CHCHD3: variants seen among roughly 807,000 people sequenced by gnomAD.
CHCHD3 encodes the protein MICOS complex subunit MIC19.
In CHCHD3, 20 loss-of-function variants were observed where a neutral mutation model predicts 38.2. The ratio of observed to expected loss-of-function variants is 0.52; its 90% CI spans 0.37 to 0.76. The LOEUF is 0.76. Ranked by LOEUF, CHCHD3 falls within the 30% of genes least tolerant of loss-of-function variation. CHCHD3 has a pLI of 0.00. For synonymous variants in CHCHD3, 82 were observed against 100.0 expected, an observed-to-expected ratio of 0.82 and a Z score of 1.07; for missense variants, 245 against 279.2, an observed-to-expected ratio of 0.88 and a Z score of 0.87.
At chr7:132,943,882 T>G (rs1408290873) in intron 4 of CHCHD3, among the ~76,000 whole-genome samples, 2 of 152,096 alleles carry the variant, frequency 1.3e-5, no homozygotes, top group African/African-American at 4.8e-5. Context: ...GAAATCTTCC[T>G]CACTTTCAAA....
chr7:132,904,638 T>C (rs553203228), intron 4 of CHCHD3, among the ~76,000 whole-genome samples: 5 of 152,292 alleles, frequency 3.3e-5, no homozygotes, highest in African/African-American at 1.2e-4. Context: ...TTTACACTGT[T>C]GGTGGGACTG....
At position 132,785,101 on chromosome 7, in the gene CHCHD3, GA is replaced by G. The variant is rs1376393459; in HGVS notation, c.*535del. 2.0e-5 allele frequency: 3 copies of G among 153,166 alleles called. No homozygotes were observed. The highest frequency in any genetic ancestry group is 2.9e-5 in the Non-Finnish European group (2 of 68,310). The allele number at this position is 153,166 out of a possible 1,614,324, so 9.5% of individuals were successfully genotyped here. On this transcript the variant is annotated 3_prime_UTR_variant, in exon 8 of 8. Coordinates refer to ENST00000262570, the MANE Select transcript of CHCHD3 (RefSeq NM_017812.4). ...AAATAGCTCTTACATAATCAAAGGAGAAAAGAAAGACAAAACCAACATGCCA... is the reference window on the plus strand; with the variant it reads ...AAATAGCTCTTACATAATCAAAGGAGAAAGAAAGACAAAACCAACATGCCA...
chr7:132,838,258 G>A (rs1356637025), intron 6 of CHCHD3, 141 bp downstream of exon 6: 18 of 523,028 alleles, frequency 3.4e-5, no homozygotes, highest in Middle Eastern at 1.0e-3. Context: ...AGATAACATG[G>A]CCCCCATCTC....
intron 3 of CHCHD3, 62 bp from the exon 4 acceptor site, chr7:132,975,348 T>G: frequency 7.4e-7 from 1 of 1,354,898 alleles, no homozygotes; most frequent in Non-Finnish European, 1.0e-6. Flanking sequence ...TTATTTTCTA[T>G]CAAATGAAAT....
intron 1 of CHCHD3, among the ~76,000 whole-genome samples, chr7:133,078,927 T>C (rs1033338739): frequency 2.0e-5 from 3 of 152,226 alleles, no homozygotes; most frequent in Admixed American, 2.0e-4. Flanking sequence ...ATCGGCACCA[T>C]GTTCTAACAA....
intron 3 of CHCHD3, among the ~76,000 whole-genome samples, chr7:133,018,357 T>C (rs1813084786): frequency 6.6e-6 from 1 of 152,236 alleles, no homozygotes; most frequent in Non-Finnish European, 1.5e-5. Context: ...TAACCTTCTT[T>C]GCAACTATTT....
chr7:132,971,507 C>T (rs550961815), intron 4 of CHCHD3, among the ~76,000 whole-genome samples: 10 of 152,280 alleles, frequency 6.6e-5, no homozygotes, highest in Admixed American at 3.3e-4. Flanking sequence ...CATGACTTTG[C>T]CCTTCAAAGA....
chr7:132,797,953 C>G (rs1208671925), intron 6 of CHCHD3, among the ~76,000 whole-genome samples: 1 of 152,052 alleles, frequency 6.6e-6, no homozygotes, highest in East Asian at 1.9e-4. Flanking sequence ...AGTCTTATCA[C>G]TTCTATTTTT....
chr7:133,036,481 G>C (rs139028187), intron 2 of CHCHD3, among the ~76,000 whole-genome samples: 1 of 152,134 alleles, frequency 6.6e-6, no homozygotes, highest in Non-Finnish European at 1.5e-5. Context: ...TATAACCACT[G>C]TGTGGGTGTT....
intron 6 of CHCHD3, among the ~76,000 whole-genome samples, chr7:132,817,207 C>CTT (rs200192192): frequency 6.0e-4 from 88 of 147,282 alleles, no homozygotes; most frequent in Non-Finnish European, 1.0e-3. Flanking sequence ...AGCTTTCTTT[C>CTT]TTTTTTTTTT....
intron 2 of CHCHD3, among the ~76,000 whole-genome samples, chr7:133,053,163 C>T (rs1814216980): frequency 6.6e-6 from 1 of 152,100 alleles, no homozygotes; most frequent in Non-Finnish European, 1.5e-5. Flanking sequence ...CTATGTTAGC[C>T]CCTGTCACTC....
intron 3 of CHCHD3, among the ~76,000 whole-genome samples, chr7:133,021,543 G>A (rs1201082660): frequency 2.0e-5 from 3 of 152,126 alleles, no homozygotes; most frequent in African/African-American, 7.2e-5. Context: ...GCTAATCGGA[G>A]TTAAATTTCA....
At chr7:132,925,255 G>A (rs1810346642) in intron 4 of CHCHD3, among the ~76,000 whole-genome samples, 1 of 152,036 alleles carries the variant, frequency 6.6e-6, no homozygotes, top group Admixed American at 6.6e-5. Flanking sequence ...AAAAAAAGGA[G>A]GGAGACAGTT....
intron 4 of CHCHD3, among the ~76,000 whole-genome samples, chr7:132,957,083 CCTGAGAGCCTCT>C (rs897365573): frequency 1.3e-5 from 2 of 152,178 alleles, no homozygotes; most frequent in African/African-American, 4.8e-5. Context: ...GTTCAGCAAT[CCTGAGAGCCTCT>C]CTGAAAACCA....
chr7:133,040,719 T>C (rs1410909449), intron 2 of CHCHD3, among the ~76,000 whole-genome samples: 1 of 152,184 alleles, frequency 6.6e-6, no homozygotes, highest in Non-Finnish European at 1.5e-5. Context: ...ACGTCGATGA[T>C]GTATATGCTT....
chr7:132,821,236 C>G (rs1054817679), intron 6 of CHCHD3, among the ~76,000 whole-genome samples: 3 of 152,096 alleles, frequency 2.0e-5, no homozygotes, highest in Non-Finnish European at 2.9e-5. Context: ...GCTCACTATT[C>G]ACTGCTTAGG....
intron 7 of CHCHD3, among the ~76,000 whole-genome samples, chr7:132,790,803 G>A (rs1028280171): frequency 1.6e-4 from 24 of 152,174 alleles, no homozygotes; most frequent in Non-Finnish European, 1.5e-5. Flanking sequence ...GGGAGCAGTA[G>A]AACCAAGGGA....
intron 5 of CHCHD3, among the ~76,000 whole-genome samples, chr7:132,880,509 T>A (rs901098184): frequency 6.6e-6 from 1 of 152,230 alleles, no homozygotes; most frequent in African/African-American, 2.4e-5. Context: ...TAAACATTTG[T>A]GTGTATTTTA....
At chr7:133,027,469 G>A (rs1271640685) in intron 2 of CHCHD3, among the ~76,000 whole-genome samples, 1 of 150,772 alleles carries the variant, frequency 6.6e-6, no homozygotes, top group Non-Finnish European at 1.5e-5. Flanking sequence ...GAAGAGGAAA[G>A]AAAAGAATAA....
Sources: allele counts gnomAD v4.1 joint callset (sites outside exome capture counted in the v4.1 genomes callset), GRCh38; gene constraint gnomAD v4.1.1; transcripts MANE v1.5; gene names NCBI Gene and HGNC (gene_info 2026-07-23, HGNC 2026-07-21).